Variants in SENP5 observed in about 807,000 individuals in gnomAD.
SENP5 encodes SUMO specific peptidase 5.
Under a neutral mutation model 74.2 loss-of-function variants are expected in SENP5, and 21 were observed. That is an observed-to-expected ratio of 0.28 (90% CI 0.20 to 0.41). The LOEUF is 0.41. SENP5 is among the 10% of genes least tolerant of loss of function. SENP5 has a pLI of 1.00. For synonymous variants in SENP5, 311 were observed against 312.7 expected (o/e 0.99, Z 0.06); for missense variants, 717 against 889.1 (o/e 0.81, Z 2.46).
chr3:196,913,825 T>A (rs1450632577), intron 6 of SENP5: 1 of 151,818 alleles, frequency 6.6e-6, no homozygotes, highest in East Asian at 2.0e-4. Flanking sequence ...AATTTTTGTA[T>A]TTTTAGTAGA....
At position 196,933,122 on chromosome 3, in the gene SENP5, TCTC is replaced by T. The variant is rs1716108526; in HGVS notation, c.*2202_*2204del. ...CCTCCACCTCCCAGGTTCAAGCGATTCTCCTGCCTCAGCCTCCCAAGTAGCTGG... is the reference window on the plus strand; with the variant it reads ...CCTCCACCTCCCAGGTTCAAGCGATTCTGCCTCAGCCTCCCAAGTAGCTGG... On this transcript the variant is annotated 3_prime_UTR_variant, in exon 10 of 10. Transcript: ENST00000323460. 6.7e-6 allele frequency: 1 copy of T among 149,544 alleles called. No homozygotes were observed. The highest frequency in any genetic ancestry group is 1.5e-5 in the Non-Finnish European group (1 of 67,988). The allele number at this position is 149,544 out of a possible 1,614,324, so 9.3% of individuals were successfully genotyped here.
Position 196,886,021 on chromosome 3 carries a change from G to A in SENP5, c.840G>A (p.Arg280=), listed in dbSNP as rs142803489. The A allele has an allele frequency of 2.0e-4, 321 of 1,614,052 alleles. No individual in the cohort carries two copies. Among genetic ancestry groups the A allele is most frequent in the Non-Finnish European group, 2.6e-4 (307 of 1,180,042 alleles). The change falls in exon 2 of 10, where the codon AGG becomes AGA. Residue 280 remains arginine, a synonymous_variant. Coordinates refer to ENST00000323460, the MANE Select transcript of SENP5 (RefSeq NM_152699.5). Reference sequence around the variant, plus strand: ...CTGGGGACCATCAAGAGACCCGTAGGGAGAACGGTGAGGGTGGCAGTTGCA... The same window carrying A: ...CTGGGGACCATCAAGAGACCCGTAGAGAGAACGGTGAGGGTGGCAGTTGCA... ...KVTGDHQETR[R]ENGEGGSCSP...
chr3:196,927,719 C>T, intron 7 of SENP5, 77 bp from the exon 8 acceptor site: 1 of 784,128 alleles, frequency 1.3e-6, no homozygotes, highest in Non-Finnish European at 2.2e-6. Flanking sequence ...TCCTTTCCTT[C>T]TGTCTGCTAT....
rs532784050 is a variant in SENP5 at position 196,906,585 on chromosome 3, A to G, written c.1884+2975A>G. ...TAATATTTAAGCAGAAATATCAAAG[A>G]TGAATACAAGTTAACTAGGTAAATG... On this transcript the variant is annotated intron_variant, in intron 6 of 9. Transcript: ENST00000323460. 3.9e-5 allele frequency among the ~76,000 whole-genome samples: 6 copies of G among 152,350 alleles called. No individual in the cohort carries two copies. In the South Asian group the frequency reaches 1.2e-3, roughly 32 times the overall value.
intron 8 of SENP5, chr3:196,929,211 G>A (rs1715931618): frequency 1.2e-5 from 2 of 171,866 alleles, no homozygotes; most frequent in African/African-American, 2.4e-5. Context: ...TCAAAGAATA[G>A]GACAGGGTCG....
intron 2 of SENP5, among the ~76,000 whole-genome samples, chr3:196,889,998 C>T (rs2108822961): frequency 1.3e-5 from 2 of 152,280 alleles, no homozygotes; most frequent in South Asian, 4.1e-4. Context: ...GGATACTCAC[C>T]CACACACGTA....
intron 7 of SENP5, among the ~76,000 whole-genome samples, chr3:196,924,130 T>G (rs189604797): frequency 3.4e-4 from 52 of 152,242 alleles, no homozygotes; most frequent in African/African-American, 1.1e-3. Flanking sequence ...TTTAAGTACT[T>G]AAAAGAAATC....
intron 6 of SENP5, among the ~76,000 whole-genome samples, chr3:196,908,008 A>G (rs890548713): frequency 2.6e-5 from 4 of 152,156 alleles, no homozygotes; most frequent in Non-Finnish European, 4.4e-5. Context: ...TGTGTCTCAC[A>G]TCTGCAGTCT....
At chr3:196,876,143 A>G (rs6810093) in intron 1 of SENP5, among the ~76,000 whole-genome samples, 50,349 of 152,088 alleles carry the variant, frequency 0.33, 9,298 homozygotes, top group East Asian at 0.77. Context: ...ATTCTAAACT[A>G]GAGGTTCCCA....
chr3:196,892,100 C>T (rs1275262693), intron 2 of SENP5, among the ~76,000 whole-genome samples: 2 of 148,526 alleles, frequency 1.3e-5, no homozygotes, highest in Non-Finnish European at 1.5e-5. Context: ...GACCTTGACT[C>T]TTAAAAAAAG....
intron 6 of SENP5, chr3:196,913,879 C>T (rs1369017879): frequency 1.3e-5 from 2 of 151,970 alleles, no homozygotes; most frequent in Admixed American, 1.3e-4. Context: ...GAACTCCTGG[C>T]CTCAAGTGAT....
At chr3:196,907,243 G>C (rs1714939037) in intron 6 of SENP5, among the ~76,000 whole-genome samples, 1 of 152,092 alleles carries the variant, frequency 6.6e-6, no homozygotes, top group Non-Finnish European at 1.5e-5. Flanking sequence ...AGGGGCCGAG[G>C]CAGGCGGATC....
chr3:196,873,620 T>C (rs4916568), intron 1 of SENP5, among the ~76,000 whole-genome samples: 63,641 of 150,390 alleles, frequency 0.42, 13,807 homozygotes, highest in Non-Finnish European at 0.46. Context: ...GCGGGTGGAT[T>C]GCGAGGTCAG....
chr3:196,931,873 C>T lies in SENP5; in HGVS notation c.*950C>T, dbSNP rs1716050359. On this transcript the variant is annotated 3_prime_UTR_variant, in exon 10 of 10. Coordinates refer to ENST00000323460, the MANE Select transcript of SENP5 (RefSeq NM_152699.5). The stretch of plus-strand genomic sequence containing the variant: ...ATTTCAAGGGTATCTGAAACGTAAA[C>T]ATTCAAAACTGAAGGCTGACTGACT... The T allele has an allele frequency of 2.2e-6, 1 of 448,474 alleles. No individual in the cohort carries two copies. Among genetic ancestry groups the T allele is most frequent in the Non-Finnish European group, 4.5e-6 (1 of 224,116 alleles). 27.8% of individuals were successfully genotyped at this position (448,474 alleles called of 1,614,324 possible). A position where few individuals can be genotyped will look rare whatever the true frequency, so the allele number is the denominator to read the frequency against.
At chr3:196,905,804 T>C (rs1450314718) in intron 6 of SENP5, among the ~76,000 whole-genome samples, 1 of 152,092 alleles carries the variant, frequency 6.6e-6, no homozygotes, top group Admixed American at 6.6e-5. Context: ...ACCTTTAGCT[T>C]CTCTTCTCTC....
At chr3:196,929,895 G>C (rs1264285660) in intron 9 of SENP5, among the ~76,000 whole-genome samples, 1 of 151,836 alleles carries the variant, frequency 6.6e-6, no homozygotes, top group African/African-American at 2.4e-5. Flanking sequence ...AGAGTGAAGT[G>C]TGGGTGTCAT....
At chr3:196,904,505 A>C (rs1714822115) in intron 6 of SENP5, among the ~76,000 whole-genome samples, 1 of 152,196 alleles carries the variant, frequency 6.6e-6, no homozygotes, top group Non-Finnish European at 1.5e-5. Flanking sequence ...TAGAGAGTTT[A>C]GGCCAGGTGC....
chr3:196,905,193 GT>G (rs1454046924), intron 6 of SENP5: 1 of 152,166 alleles, frequency 6.6e-6, no homozygotes, highest in Non-Finnish European at 1.5e-5. Context: ...GTAAGCCACC[GT>G]GCCCGGCATT....
chr3:196,907,434 C>T (rs1201212685), intron 6 of SENP5, among the ~76,000 whole-genome samples: 3 of 138,556 alleles, frequency 2.2e-5, no homozygotes, highest in Non-Finnish European at 3.0e-5. Flanking sequence ...CCAGCCTGGG[C>T]GACAGAGAGA....
Sources: allele counts gnomAD v4.1 joint callset (sites outside exome capture counted in the v4.1 genomes callset), GRCh38; gene constraint gnomAD v4.1.1; transcripts MANE v1.5; gene names NCBI Gene and HGNC (gene_info 2026-07-23, HGNC 2026-07-21).